OR2T10: variants seen among roughly 807,000 people sequenced by gnomAD.
OR2T10 encodes the protein olfactory receptor family 2 subfamily T member 10.
For missense variants in OR2T10, 335 were observed against 382.5 expected (o/e 0.88, Z 1.04); for synonymous variants, 125 against 141.8 (o/e 0.88, Z 0.84).
intron 1 of OR2T10, chr1:248,595,145 T>G (rs1660072385): frequency 7.0e-6 from 1 of 143,244 alleles, no homozygotes; most frequent in South Asian, 2.2e-4. Flanking sequence ...GTCAGCCCTT[T>G]CCCGTTGATA....
Position 248,593,678 on chromosome 1 carries a change from T to TAAGC in OR2T10, c.87_90dup (p.Ile31AlafsTer23). On this transcript the variant is annotated frameshift_variant, in exon 2 of 2. Coordinates refer to ENST00000642090, the MANE Select transcript of OR2T10 (RefSeq NM_001004693.2). LOFTEE classifies it low-confidence loss of function (END_TRUNC). ...ACAGCCATCAAAAATATACTGAAGA[T>TAAGC]AAGCAAGCAGAGGCGGCCAGGGTGT... The TAAGC allele has an allele frequency of 6.4e-7, 1 of 1,560,756 alleles. No individual in the cohort carries two copies. The highest frequency in any genetic ancestry group is 1.1e-5 in the South Asian group (1 of 88,568).
At position 248,592,649 on chromosome 1, in the gene OR2T10, G is replaced by T. The variant is rs139152389; in HGVS notation, c.*181C>A. Reference sequence around the variant, plus strand: ...TAGAGATCAATGCTACGAGGGAAGGGGGGGATAAGTGAACATCATCTCAAG... The same window carrying T: ...TAGAGATCAATGCTACGAGGGAAGGTGGGGATAAGTGAACATCATCTCAAG... On this transcript the variant is annotated 3_prime_UTR_variant, in exon 2 of 2. Transcript: ENST00000642090. 2 of 476,136 alleles carry T rather than the reference G, an allele frequency of 4.2e-6. No homozygotes were observed. The highest frequency in any genetic ancestry group is 3.1e-5 in the South Asian group (1 of 31,852). 29.5% of individuals were successfully genotyped at this position (476,136 alleles called of 1,614,324 possible). A position where few individuals can be genotyped will look rare whatever the true frequency, so the allele number is the denominator to read the frequency against.
rs1245847696 is a variant in OR2T10 at position 248,592,269 on chromosome 1, T to C, written c.*561A>G. ...TTTAGCATCTCTGAGGTCTTGAATG[T>C]GTTTATCTCCAAATGCCTATGGATG... is the stretch of plus-strand genomic sequence containing the variant. On this transcript the variant is annotated 3_prime_UTR_variant, in exon 2 of 2. Coordinates refer to ENST00000642090, the MANE Select transcript of OR2T10 (RefSeq NM_001004693.2). 2 of 144,042 alleles carry C rather than the reference T, an allele frequency of 1.4e-5. 1 individual carries two copies. The highest frequency in any genetic ancestry group is 3.0e-5 in the Non-Finnish European group (2 of 66,506). 8.9% of individuals were successfully genotyped at this position (144,042 alleles called of 1,614,324 possible).
chr1:248,592,590 T>TA lies in OR2T10; in HGVS notation c.*239dup, dbSNP rs1308296636. 1.4e-5 allele frequency: 5 copies of TA among 358,790 alleles called. 1 individual carries two copies. Among genetic ancestry groups the TA allele is most frequent in the African/African-American group, 7.2e-5 (3 of 41,436 alleles). The allele number at this position is 358,790 out of a possible 1,614,324, so 22.2% of individuals were successfully genotyped here. On this transcript the variant is annotated 3_prime_UTR_variant, in exon 2 of 2. Coordinates refer to ENST00000642090, the MANE Select transcript of OR2T10 (RefSeq NM_001004693.2). Reference sequence around the variant, plus strand: ...ATTTTCATATTTCTCCACTGTAATCTAAAAAAAGGACCATTGGCCCCGAAG... The same window carrying TA: ...ATTTTCATATTTCTCCACTGTAATCTAAAAAAAAGGACCATTGGCCCCGAAG...
In OR2T10 at chr1:248,592,980, G is replaced by C. The variant is rs369070111; in HGVS notation, c.789C>G (p.Ser263Arg). ...GAAIYNYMLP[S>R]SYQTPEKDMM... ...TATCTTTCTCAGGAGTTTGGTAGGA[G>C]CTGGGGAGCATGTAGTTGTAAATAG... Residue 263 changes from serine to arginine, a missense_variant, in exon 2 of 2, where the codon AGC becomes AGG. Coordinates refer to ENST00000642090, the MANE Select transcript of OR2T10 (RefSeq NM_001004693.2). The C allele has an allele frequency of 1.3e-6, 2 of 1,571,778 alleles. 1 individual carries two copies. The highest frequency in any genetic ancestry group is 3.0e-5 in the African/African-American group (2 of 66,662).
intron 1 of OR2T10, 25 bp from the exon 2 acceptor site, chr1:248,593,821 T>A: frequency 1.0e-6 from 1 of 962,086 alleles, no homozygotes; most frequent in Non-Finnish European, 1.6e-6. Flanking sequence ...TAAACTTTAT[T>A]TATAATCATG....
In OR2T10 at chr1:248,593,268, G is replaced by A; in HGVS notation, c.501C>T (p.Pro167=). The A allele has an allele frequency of 1.3e-6, 2 of 1,573,746 alleles. 1 individual carries two copies. The highest frequency in any genetic ancestry group is 3.0e-5 in the African/African-American group (2 of 67,056). The change falls in exon 2 of 2, where the codon CCC becomes CCT. Residue 167 remains proline, a synonymous_variant. Transcript: ENST00000642090. ...FMLTPIAMSF[P]FCRSHEIQHF... is the part of the protein sequence containing the mutation. ...GCTGAATCTCATGGGATCTGCAGAA[G>A]GGGAAGCTCATGGCGATGGGAGTGA...
rs1659981493 is a variant in OR2T10 at position 248,590,641 on chromosome 1, G to T, written c.*2189C>A. ...TATAACTTCTAACCATATTCTATTT[G>T]GCCCATCTGTTTCACGTCTCTTTTT... On this transcript the variant is annotated 3_prime_UTR_variant, in exon 2 of 2. Coordinates refer to ENST00000642090, the MANE Select transcript of OR2T10 (RefSeq NM_001004693.2). 1 of 142,358 alleles carries T rather than the reference G, an allele frequency of 7.0e-6. No homozygotes were observed. Among genetic ancestry groups the T allele is most frequent in the Non-Finnish European group, 1.5e-5 (1 of 66,000 alleles). The allele number at this position is 142,358 out of a possible 1,614,324, so 8.8% of individuals were successfully genotyped here.
At chr1:248,595,078 G>A (rs1354559079) in intron 1 of OR2T10, 2 of 143,266 alleles carry the variant, frequency 1.4e-5, no homozygotes, top group East Asian at 4.0e-4. Context: ...TAATCACCTT[G>A]TAATAGGCTG....
intron 1 of OR2T10, among the ~76,000 whole-genome samples, chr1:248,596,867 G>A (rs1470770582): frequency 7.0e-6 from 1 of 142,066 alleles, no homozygotes; most frequent in Non-Finnish European, 1.5e-5. Flanking sequence ...CTCACCATGA[G>A]GCTGAAACCT....
chr1:248,596,268 A>G (rs1214503438), intron 1 of OR2T10, among the ~76,000 whole-genome samples: 1 of 143,234 alleles, frequency 7.0e-6, no homozygotes, highest in African/African-American at 2.8e-5. Flanking sequence ...CCAAAAATGG[A>G]GTCCATTTAG....
rs372103273 is a variant in OR2T10, at chr1:248,597,248, A to G, written c.-29+244T>C. Among the ~76,000 whole-genome samples the G allele has an allele frequency of 2.7e-4, 39 of 142,848 alleles. 8 individuals carry two copies. The highest frequency in any genetic ancestry group is 9.4e-4 in the African/African-American group (34 of 36,244). The allele number at this position is 142,848 out of a possible 152,430, so 93.7% of individuals were successfully genotyped here. ...TACAGCCTAATTAATAGGATTGCAG[A>G]GAGTTTCAGATATAATATGCACAGC... On this transcript the variant is annotated intron_variant, in intron 1 of 1. Transcript: ENST00000642090.
At position 248,593,419 on chromosome 1, in the gene OR2T10, G is replaced by A. The variant is rs146673318; in HGVS notation, c.350C>T (p.Ala117Val). 8.5e-4 allele frequency: 1,330 copies of A among 1,571,920 alleles called. 276 individuals carry two copies. In the African/African-American group the frequency reaches 0.018, roughly 21 times the overall value. Residue 117 changes from alanine to valine, a missense_variant, in exon 2 of 2, where the codon GCC (alanine) becomes GTC (valine). Physicochemically the swap from Ala to Val is moderately conservative, Grantham distance 64. Coordinates refer to ENST00000642090, the MANE Select transcript of OR2T10 (RefSeq NM_001004693.2). ...AGCCACATAGCGGTCATAGGCCATG[G>A]CGGCTAGAAGGCAGCACTCTGCACC... ...LGGAECCLLAAMAYDRYVAIC... is the reference protein window; with the variant it reads ...LGGAECCLLAVMAYDRYVAIC...
In OR2T10 at chr1:248,593,693, G is replaced by A. The variant is rs28405936; in HGVS notation, c.76C>T (p.Arg26Cys). 25,612 of 1,563,262 alleles carry A rather than the reference G, an allele frequency of 0.016. 5,237 individuals carry two copies. The African/African-American group carries it at 0.22, about 14-fold the overall frequency. ...GIFSQISHPG[R>C]LCLLIFSIFL... ...ATACTGAAGATAAGCAAGCAGAGGC[G>A]GCCAGGGTGTGAGATCTGGCTGAAG... Residue 26 changes from arginine to cysteine, a missense_variant, in exon 2 of 2, where the codon CGC (arginine) becomes TGC (cysteine). By Grantham distance (180) the Arg-to-Cys change is radical. Coordinates refer to ENST00000642090, the MANE Select transcript of OR2T10 (RefSeq NM_001004693.2).
Position 248,592,850 on chromosome 1 carries a change from C to G in OR2T10, c.919G>C (p.Val307Leu). ...ACACTTTAATATGGAGGTTTCTGCA[C>G]GCTCAGCATTTTTTTCAAAGCCCTT... ...VTRALKKMLS[V>L]QKPPY The change falls in exon 2 of 2, where the codon GTG becomes CTG. Residue 307 changes from valine (V) to leucine (L), a missense_variant. Coordinates refer to ENST00000642090, the MANE Select transcript of OR2T10 (RefSeq NM_001004693.2). 6.5e-7 allele frequency: 1 copy of G among 1,546,246 alleles called. No homozygotes were observed. Among genetic ancestry groups the G allele is most frequent in the South Asian group, 1.2e-5 (1 of 86,790 alleles).
chr1:248,593,799 G>C lies in OR2T10; in HGVS notation c.-28-3C>G, dbSNP rs1161345952. On this transcript the variant is annotated splice_region_variant and splice_polypyrimidine_tract_variant and intron_variant, in intron 1 of 1. Transcript: ENST00000642090. ...ATGATCGGCTGAAGTGGCTTTACCT[G>C]GAGGACAAAAGTAAACTTTATTTAT... 1.6e-6 allele frequency: 2 copies of C among 1,226,546 alleles called. No individual in the cohort carries two copies. Among genetic ancestry groups the C allele is most frequent in the East Asian group, 4.8e-5 (2 of 41,708 alleles). The allele number at this position is 1,226,546 out of a possible 1,614,324, so 76.0% of individuals were successfully genotyped here. A position where few individuals can be genotyped will look rare whatever the true frequency, so the allele number is the denominator to read the frequency against.
rs1214003249 is a variant in OR2T10 at position 248,597,664 on chromosome 1, CT to C, written c.-202del. The C allele has an allele frequency of 1.4e-5, 2 of 143,340 alleles. No individual in the cohort carries two copies. Among genetic ancestry groups the C allele is most frequent in the Non-Finnish European group, 3.0e-5 (2 of 66,314 alleles). 8.9% of individuals were successfully genotyped at this position (143,340 alleles called of 1,614,324 possible). ...CGAAAGGGTTTCAGATGATGAAACACTTATGAACTTGATGACTCTCCCTGAA... is the reference window on the plus strand; with the variant it reads ...CGAAAGGGTTTCAGATGATGAAACACTATGAACTTGATGACTCTCCCTGAA... On this transcript the variant is annotated 5_prime_UTR_variant, in exon 1 of 2. Coordinates refer to ENST00000642090, the MANE Select transcript of OR2T10 (RefSeq NM_001004693.2).
rs1660037903 is a variant in OR2T10, at chr1:248,593,117, A to AAG, written c.650_651dup (p.Tyr218LeufsTer12). On this transcript the variant is annotated frameshift_variant, in exon 2 of 2. Transcript: ENST00000642090. LOFTEE classifies it low-confidence loss of function (END_TRUNC). ...TGGATGGTGAGGATGATATAGTAGT[A>AAG]AGACACTGAAATGACCGTCACAGGT... 1 of 1,573,064 alleles carries AAG rather than the reference A, an allele frequency of 6.4e-7. No individual in the cohort carries two copies. Among genetic ancestry groups the AAG allele is most frequent in the South Asian group, 1.1e-5 (1 of 88,896 alleles).
At chr1:248,595,132 C>G (rs574582917) in intron 1 of OR2T10, 1 of 143,192 alleles carries the variant, frequency 7.0e-6, no homozygotes, top group South Asian at 2.2e-4. Context: ...GTCAGTGGTG[C>G]TGGTCAGCCC....
Sources: gnomAD v4.1 joint callset for allele counts (sites outside exome capture counted in the v4.1 genomes callset) on GRCh38, gnomAD v4.1.1 for gene constraint, MANE v1.5 for transcripts, NCBI Gene and HGNC (gene_info 2026-07-23, HGNC 2026-07-21) for gene names.